The following PTPRQ variants were observed in gnomAD, a reference collection of about 807,000 sequenced individuals.
The protein encoded by PTPRQ is phosphatidylinositol phosphatase PTPRQ.
In PTPRQ, 199 loss-of-function variants were observed where a neutral mutation model predicts 246.0. The ratio of observed to expected loss-of-function variants is 0.81; its 90% CI spans 0.72 to 0.91. PTPRQ has a LOEUF of 0.91. PTPRQ is among the 40% of genes least tolerant of loss of function. The pLI is 0.00. For missense variants in PTPRQ, 2,624 were observed against 2,528.4 expected (o/e 1.04, Z -0.81); for synonymous variants, 869 against 853.2 (o/e 1.02, Z -0.32).
rs1239824567 is a variant in PTPRQ at position 80,652,800 on chromosome 12, T to C, written c.6081T>C (p.Asn2027=). 3 of 1,513,274 alleles carry C rather than the reference T, an allele frequency of 2.0e-6. No homozygotes were observed. The highest frequency in any genetic ancestry group is 2.2e-5 in the Admixed American group (1 of 45,572). The allele number at this position is 1,513,274 out of a possible 1,614,324, so 93.7% of individuals were successfully genotyped here. ...LSSTDADLPW[N]RAKNRFPNIK... ...CAACTGATGCTGATCTGCCTTGGAA[T>C]AGAGCAAAAAACCGCTTCCCAAACA... Residue 2027 remains asparagine, a synonymous_variant, in exon 38 of 45, where the codon AAT becomes AAC. Transcript: ENST00000644991.
Position 80,623,861 on chromosome 12 carries a change from G to A in PTPRQ, c.5686+1727G>A, listed in dbSNP as rs150650608. On this transcript the variant is annotated intron_variant, in intron 33 of 44. Transcript: ENST00000644991. ...AGCTATAAAAGGGGGGGAGCGCCAA[G>A]CATCAGGAACCACAGTGCACAGGAG... Among the ~76,000 whole-genome samples the A allele has an allele frequency of 6.3e-4, 96 of 152,264 alleles. 1 individual carries two copies. Among genetic ancestry groups the A allele is most frequent in the African/African-American group, 2.2e-3 (91 of 41,572 alleles).
intron 7 of PTPRQ, 117 bp downstream of exon 7, chr12:80,468,955 C>T: frequency 7.3e-7 from 1 of 1,362,052 alleles, no homozygotes; most frequent in African/African-American, 1.5e-5. Flanking sequence ...AAGATTGAAG[C>T]AAACAATAGG....
chr12:80,582,554 A>G (rs1376828075), intron 25 of PTPRQ, among the ~76,000 whole-genome samples: 1 of 152,150 alleles, frequency 6.6e-6, no homozygotes, highest in Admixed American at 6.5e-5. Context: ...TCTGCTATAC[A>G]AGGACACAAT....
chr12:80,676,644 A>G (rs1352747240), intron 43 of PTPRQ, among the ~76,000 whole-genome samples: 1 of 152,048 alleles, frequency 6.6e-6, no homozygotes, highest in Admixed American at 6.6e-5. Context: ...TCTGTTGCAA[A>G]CAACAACAAC....
chr12:80,613,911 A>G, intron 29 of PTPRQ, 75 bp downstream of exon 29: 1 of 1,412,522 alleles, frequency 7.1e-7, no homozygotes, highest in East Asian at 2.7e-5. Flanking sequence ...AAAATATTGC[A>G]GTTTGTGTAC....
In PTPRQ at chr12:80,620,073, A is replaced by G. The variant is rs187500435; in HGVS notation, c.5390-81A>G. On this transcript the variant is annotated intron_variant, in intron 31 of 44. Coordinates refer to ENST00000644991, the MANE Select transcript of PTPRQ (RefSeq NM_001145026.2). ...GTTGCATCGAGAGTCCCCTTATACAATTATAAAAACACTATTTATAATTGT... is the reference window on the plus strand; with the variant it reads ...GTTGCATCGAGAGTCCCCTTATACAGTTATAAAAACACTATTTATAATTGT... 313 of 1,439,244 alleles carry G rather than the reference A, an allele frequency of 2.2e-4. 1 individual carries two copies. The African/African-American group carries it at 4.2e-3, about 19-fold the overall frequency. 89.2% of individuals were successfully genotyped at this position (1,439,244 alleles called of 1,614,324 possible).
chr12:80,610,214 G>A (rs554776150), intron 27 of PTPRQ, among the ~76,000 whole-genome samples: 2 of 150,472 alleles, frequency 1.3e-5, no homozygotes, highest in East Asian at 2.0e-4. Flanking sequence ...GGTTAATCAC[G>A]GTTGGCTGGT....
At position 80,494,918 on chromosome 12, in the gene PTPRQ, A is replaced by G. The variant is rs1277111916; in HGVS notation, c.1541-15A>G. 4.0e-6 allele frequency: 6 copies of G among 1,505,626 alleles called. No individual in the cohort carries two copies. Among genetic ancestry groups the G allele is most frequent in the Admixed American group, 2.4e-5 (1 of 41,298 alleles). The allele number at this position is 1,505,626 out of a possible 1,614,324, so 93.3% of individuals were successfully genotyped here. A position where few individuals can be genotyped will look rare whatever the true frequency, so the allele number is the denominator to read the frequency against. On this transcript the variant is annotated splice_polypyrimidine_tract_variant and intron_variant, in intron 10 of 44. Coordinates refer to ENST00000644991, the MANE Select transcript of PTPRQ (RefSeq NM_001145026.2). ...AACACCTTTCTTTTTTTCTCTTTTT[A>G]CTGAATTCAAACAGTAACTACAAGG...
chr12:80,609,962 C>T (rs1898487538), intron 27 of PTPRQ, among the ~76,000 whole-genome samples: 1 of 150,320 alleles, frequency 6.7e-6, no homozygotes, highest in East Asian at 2.0e-4. Flanking sequence ...TAGATTTGTC[C>T]TTTCTAAATC....
intron 17 of PTPRQ, among the ~76,000 whole-genome samples, chr12:80,525,754 C>T (rs1818291634): frequency 6.6e-6 from 1 of 151,682 alleles, no homozygotes; most frequent in South Asian, 2.1e-4. Context: ...CAATTTATTA[C>T]TGAATTGCCT....
At chr12:80,518,606 T>C (rs765495131) in intron 17 of PTPRQ, among the ~76,000 whole-genome samples, 2 of 152,188 alleles carry the variant, frequency 1.3e-5, no homozygotes, top group Non-Finnish European at 2.9e-5. Flanking sequence ...TTTCATAGTT[T>C]GAGGTCTTAG....
At chr12:80,540,028 G>A in intron 20 of PTPRQ, 84 bp downstream of exon 20, 1 of 1,164,208 alleles carries the variant, frequency 8.6e-7, no homozygotes, top group Non-Finnish European at 1.1e-6. Context: ...GTTTGAATTT[G>A]TAATAACATC....
intron 25 of PTPRQ, among the ~76,000 whole-genome samples, chr12:80,553,951 C>G (rs566123322): frequency 6.6e-6 from 1 of 152,132 alleles, no homozygotes; most frequent in East Asian, 1.9e-4. Context: ...GTGAAATAAG[C>G]CAGGCACAGA....
chr12:80,669,666 A>G (rs1900906334), intron 41 of PTPRQ, among the ~76,000 whole-genome samples: 1 of 152,066 alleles, frequency 6.6e-6, no homozygotes, highest in African/African-American at 2.4e-5. Flanking sequence ...AGATCACTCT[A>G]GTTAAAGTCT....
intron 33 of PTPRQ, among the ~76,000 whole-genome samples, chr12:80,629,254 G>A (rs749630085): frequency 3.3e-5 from 5 of 151,990 alleles, no homozygotes; most frequent in Admixed American, 2.6e-4. Context: ...CCATCAGATC[G>A]GGGCCTCACC....
chr12:80,518,074 G>A (rs1249750519), intron 17 of PTPRQ, among the ~76,000 whole-genome samples: 1 of 152,110 alleles, frequency 6.6e-6, no homozygotes, highest in Non-Finnish European at 1.5e-5. Flanking sequence ...TCTCCGTAGT[G>A]ATTTTACTAA....
At position 80,549,202 on chromosome 12, in the gene PTPRQ, G is replaced by C. The variant is rs1896394928; in HGVS notation, c.4016-263G>C. Among the ~76,000 whole-genome samples, 2 of 152,224 alleles carry C rather than the reference G, an allele frequency of 1.3e-5. 1 individual carries two copies. Among genetic ancestry groups the C allele is most frequent in the South Asian group, 4.1e-4 (2 of 4,828 alleles). Reference sequence around the variant, plus strand: ...GCTACACATTTGCTTCTGAGCTTTTGAGGATGTGATTGGTGCTTCGAACTG... The same window carrying C: ...GCTACACATTTGCTTCTGAGCTTTTCAGGATGTGATTGGTGCTTCGAACTG... On this transcript the variant is annotated intron_variant, in intron 24 of 44. Transcript: ENST00000644991.
At position 80,652,847 on chromosome 12, in the gene PTPRQ, G is replaced by T. The variant is rs1273940254; in HGVS notation, c.6115+13G>T. On this transcript the variant is annotated intron_variant, in intron 38 of 44. Coordinates refer to ENST00000644991, the MANE Select transcript of PTPRQ (RefSeq NM_001145026.2). ...AACATAAAACCATGTATGTGCATTT[G>T]TTGGTTTTGGTTTAGCTAGGAAATA... The T allele has an allele frequency of 1.4e-6, 2 of 1,467,108 alleles. No individual in the cohort carries two copies. Among genetic ancestry groups the T allele is most frequent in the South Asian group, 1.6e-5 (1 of 64,112 alleles). 90.9% of individuals were successfully genotyped at this position (1,467,108 alleles called of 1,614,324 possible).
At chr12:80,563,925 A>T (rs1896904360) in intron 25 of PTPRQ, among the ~76,000 whole-genome samples, 1 of 151,874 alleles carries the variant, frequency 6.6e-6, no homozygotes, top group South Asian at 2.1e-4. Context: ...AACATTTGTC[A>T]GTATGGGAAA....
Sources: allele counts gnomAD v4.1 joint callset (sites outside exome capture counted in the v4.1 genomes callset), GRCh38; gene constraint gnomAD v4.1.1; transcripts MANE v1.5; gene names NCBI Gene and HGNC (gene_info 2026-07-23, HGNC 2026-07-21).